The following C10orf71 variants were observed in gnomAD, a reference collection of about 807,000 sequenced individuals.
C10orf71 encodes the protein cardiac-enriched FHL2-interacting protein.
For missense variants in C10orf71, 1,869 were observed against 1,804.5 expected, an observed-to-expected ratio of 1.04 and a Z score of -0.65; for synonymous variants, 758 against 726.3, an observed-to-expected ratio of 1.04 and a Z score of -0.70.
Position 49,322,811 on chromosome 10 carries a change from G to C in C10orf71, c.266G>C (p.Gly89Ala). The C allele has an allele frequency of 6.2e-7, 1 of 1,613,884 alleles. No individual in the cohort carries two copies. Among genetic ancestry groups the C allele is most frequent in the Non-Finnish European group, 8.5e-7 (1 of 1,179,848 alleles). ...SGIWSQLPSQ[G>A]TEHSGWAATF... is the part of the protein sequence containing the mutation. ...ATTTGGAGCCAGTTACCGTCACAGGGCACGGAACATTCGGGCTGGGCGGCC... is the reference window on the plus strand; with the variant it reads ...ATTTGGAGCCAGTTACCGTCACAGGCCACGGAACATTCGGGCTGGGCGGCC... Residue 89 changes from glycine (G) to alanine (A), a missense_variant, in exon 3 of 3, where the codon GGC becomes GCC. Gly to Ala is a moderately conservative substitution (Grantham distance 60). Transcript: ENST00000374144.
chr10:49,324,062 T>C lies in C10orf71; in HGVS notation c.1517T>C (p.Val506Ala), dbSNP rs1322167507. 1 of 1,613,874 alleles carries C rather than the reference T, an allele frequency of 6.2e-7. No individual in the cohort carries two copies. Among genetic ancestry groups the C allele is most frequent in the South Asian group, 1.1e-5 (1 of 91,060 alleles). The change falls in exon 3 of 3, where the codon GTG (valine) becomes GCG (alanine). Residue 506 changes from valine (V) to alanine (A), a missense_variant. Val to Ala is a moderately conservative substitution (Grantham distance 64). Coordinates refer to ENST00000374144, the MANE Select transcript of C10orf71 (RefSeq NM_001135196.2). The part of the protein sequence containing the change: ...APSLLFNLKD[V>A]RKRVKSTYSS... ...AGCCTGCTGTTCAACCTCAAGGACGTGCGGAAGCGTGTTAAGAGCACATAC... is the reference window on the plus strand; with the variant it reads ...AGCCTGCTGTTCAACCTCAAGGACGCGCGGAAGCGTGTTAAGAGCACATAC...
chr10:49,306,800 C>T (rs948838338), intron 1 of C10orf71, among the ~76,000 whole-genome samples: 7 of 152,214 alleles, frequency 4.6e-5, no homozygotes, highest in Non-Finnish European at 7.4e-5. Flanking sequence ...CAGAGCAGCA[C>T]GAGGACCTGT....
rs1376550476 is a variant in C10orf71 at position 49,326,775 on chromosome 10, G to A, written c.4230G>A (p.Glu1410=). The A allele has an allele frequency of 1.3e-6, 2 of 1,550,960 alleles. No homozygotes were observed. Among genetic ancestry groups the A allele is most frequent in the South Asian group, 2.4e-5 (2 of 84,066 alleles). ...ATGGTCCTCCCCAGAGCCCAGGAGA[G>A]GAGGGTGTAGAAGCTCCAGGCCTGG... The part of the protein sequence containing the change: ...RPHGPPQSPG[E]EGVEAPGLGI... The change falls in exon 3 of 3, where the codon GAG becomes GAA. Residue 1410 remains glutamate, a synonymous_variant. Coordinates refer to ENST00000374144, the MANE Select transcript of C10orf71 (RefSeq NM_001135196.2).
chr10:49,325,452 G>A lies in C10orf71; in HGVS notation c.2907G>A (p.Arg969=). ...TGCCTCTGGTGGGAGAGGGGGACCG[G>A]GTGAAGGCACCACCAGATGCTGCAC... ...PSMPLVGEGD[R]VKAPPDAAPG... is the part of the protein sequence containing the mutation. The change falls in exon 3 of 3, where the codon CGG becomes CGA. Residue 969 remains arginine, a synonymous_variant. Transcript: ENST00000374144. The A allele has an allele frequency of 6.5e-7, 1 of 1,550,274 alleles. No individual in the cohort carries two copies. Among genetic ancestry groups the A allele is most frequent in the South Asian group, 1.2e-5 (1 of 83,980 alleles).
At chr10:49,313,776 T>C (rs1376895930) in intron 1 of C10orf71, among the ~76,000 whole-genome samples, 1 of 152,190 alleles carries the variant, frequency 6.6e-6, no homozygotes, top group Non-Finnish European at 1.5e-5. Context: ...AGAAGGCTCA[T>C]GGACTCTGCT....
At chr10:49,312,383 G>GCTTTGCCCTCTGCCTCC (rs1848930060) in intron 1 of C10orf71, among the ~76,000 whole-genome samples, 2 of 152,226 alleles carry the variant, frequency 1.3e-5, no homozygotes, top group African/African-American at 4.8e-5. Context: ...GGAAGTGCTG[G>GCTTTGCCCTCTGCCTCC]AGGTCTGCAG....
chr10:49,308,564 A>G (rs973094817), intron 1 of C10orf71, among the ~76,000 whole-genome samples: 1 of 152,194 alleles, frequency 6.6e-6, no homozygotes, highest in African/African-American at 2.4e-5. Flanking sequence ...CTTTACACAC[A>G]TAAGAGGCAC....
In C10orf71 at chr10:49,326,640, T is replaced by C; in HGVS notation, c.4095T>C (p.Pro1365=). The change falls in exon 3 of 3, where the codon CCT becomes CCC. Residue 1365 remains proline (P), a synonymous_variant. Coordinates refer to ENST00000374144, the MANE Select transcript of C10orf71 (RefSeq NM_001135196.2). ...LSAPTFLRQG[P]RASAARARTQ... is the part of the protein sequence containing the mutation. ...CGCCCACCTTCCTCAGGCAGGGCCC[T>C]CGTGCCTCCGCGGCCCGCGCCAGGA... 6.5e-7 allele frequency: 1 copy of C among 1,550,140 alleles called. No homozygotes were observed. The highest frequency in any genetic ancestry group is 8.7e-7 in the Non-Finnish European group (1 of 1,146,850).
intron 1 of C10orf71, among the ~76,000 whole-genome samples, chr10:49,299,951 A>G (rs955974266): frequency 3.3e-5 from 5 of 152,254 alleles, no homozygotes; most frequent in Non-Finnish European, 7.3e-5. Flanking sequence ...AGCCCGCCAC[A>G]GGCTGCCTGT....
chr10:49,317,443 C>T (rs761493009), intron 2 of C10orf71, among the ~76,000 whole-genome samples: 2 of 152,218 alleles, frequency 1.3e-5, no homozygotes, highest in Admixed American at 6.5e-5. Context: ...AATCGTAACT[C>T]TCATTACCTC....
Position 49,326,115 on chromosome 10 carries a change from G to C in C10orf71, c.3570G>C (p.Lys1190Asn), listed in dbSNP as rs1256839234. 2 of 1,551,718 alleles carry C rather than the reference G, an allele frequency of 1.3e-6. No individual in the cohort carries two copies. The highest frequency in any genetic ancestry group is 2.4e-5 in the South Asian group (2 of 84,064). Reference protein sequence around the residue: ...ALRRAKKLASKRRKTDQAQEK... With the variant: ...ALRRAKKLASNRRKTDQAQEK... ...GGCGGGCAAAGAAGCTGGCAAGTAA[G>C]AGGAGGAAGACGGATCAGGCTCAGG... Residue 1190 changes from lysine (K) to asparagine (N), a missense_variant, in exon 3 of 3, where the codon AAG (lysine) becomes AAC (asparagine). Transcript: ENST00000374144.
rs572710210 is a variant in C10orf71 at position 49,326,299 on chromosome 10, G to C, written c.3754G>C (p.Glu1252Gln). 5.1e-4 allele frequency: 785 copies of C among 1,549,866 alleles called. No homozygotes were observed. Among genetic ancestry groups the C allele is most frequent in the Non-Finnish European group, 6.4e-4 (737 of 1,146,548 alleles). The part of the protein sequence containing the change: ...VHRHSVSGFS[E>Q]PVGRRPGGPQ... ...CCGCCACTCCGTGTCCGGCTTCTCG[G>C]AGCCTGTCGGGAGGCGGCCCGGGGG... Residue 1252 changes from glutamate (E) to glutamine (Q), a missense_variant, in exon 3 of 3, where the codon GAG (glutamate) becomes CAG (glutamine). Glu to Gln is a conservative substitution (Grantham distance 29). Transcript: ENST00000374144.
chr10:49,324,404 A>T lies in C10orf71; in HGVS notation c.1859A>T (p.Glu620Val). The T allele has an allele frequency of 6.2e-7, 1 of 1,612,788 alleles. No homozygotes were observed. Among genetic ancestry groups the T allele is most frequent in the Non-Finnish European group, 8.5e-7 (1 of 1,179,366 alleles). ...AGCAGTTATGAGAACAAGGAGGTGG[A>T]AGGAGAGTTGGAGATGGGTCCTGCC... Reference protein sequence around the residue: ...ERSSYENKEVEGELEMGPAGS... With the variant: ...ERSSYENKEVVGELEMGPAGS... The change falls in exon 3 of 3, where the codon GAA (glutamate) becomes GTA (valine). Residue 620 changes from glutamate (E) to valine (V), a missense_variant. Glu to Val is a moderately radical substitution (Grantham distance 121). Coordinates refer to ENST00000374144, the MANE Select transcript of C10orf71 (RefSeq NM_001135196.2).
At chr10:49,312,817 G>A (rs565531411) in intron 1 of C10orf71, among the ~76,000 whole-genome samples, 1 of 152,150 alleles carries the variant, frequency 6.6e-6, no homozygotes, top group African/African-American at 2.4e-5. Context: ...ATATTTGAGG[G>A]GTTTTGAATC....
chr10:49,322,569 C>A lies in C10orf71; in HGVS notation c.24C>A (p.Cys8Ter). The change falls in exon 3 of 3, where the codon TGC (cysteine) becomes TGA (stop). Residue 8 changes from cysteine (C) to a stop codon, truncating the protein, a stop_gained. Coordinates refer to ENST00000374144, the MANE Select transcript of C10orf71 (RefSeq NM_001135196.2). LOFTEE classifies it low-confidence loss of function (END_TRUNC). MMQGNKK[C>*]TDAFSDSSSI... ...AGATGATGCAAGGAAATAAGAAGTG[C>A]ACAGACGCGTTCAGCGACTCCTCCA... is the stretch of plus-strand genomic sequence containing the variant. The A allele has an allele frequency of 6.2e-7, 1 of 1,610,862 alleles. No homozygotes were observed. The highest frequency in any genetic ancestry group is 8.5e-7 in the Non-Finnish European group (1 of 1,178,394).
upstream of C10orf71, among the ~76,000 whole-genome samples, chr10:49,297,581 G>A (rs1006896748): frequency 2.1e-4 from 32 of 152,340 alleles, no homozygotes; most frequent in African/African-American, 7.7e-4. Flanking sequence ...GGGAAGCTTT[G>A]CAATAGACGA....
rs1378879081 is a variant in C10orf71, at chr10:49,318,088, A to C, written c.-145+1841A>C. Reference sequence around the variant, plus strand: ...ATACATTTTCAATGTTTGAGCCATCATTTGTTACGGCAGCCCCAGCAAAGA... The same window carrying C: ...ATACATTTTCAATGTTTGAGCCATCCTTTGTTACGGCAGCCCCAGCAAAGA... On this transcript the variant is annotated intron_variant, in intron 2 of 2. Coordinates refer to ENST00000374144, the MANE Select transcript of C10orf71 (RefSeq NM_001135196.2). Among the ~76,000 whole-genome samples the C allele has an allele frequency of 3.9e-5, 6 of 152,336 alleles. No homozygotes were observed. In the East Asian group the frequency reaches 9.7e-4, roughly 25 times the overall value.
upstream of C10orf71, among the ~76,000 whole-genome samples, chr10:49,297,978 G>A (rs951159070): frequency 8.2e-4 from 125 of 152,332 alleles, 1 homozygote; most frequent in African/African-American, 2.6e-3. Context: ...AGGAGGAGGC[G>A]GGTCTGAATG....
At chr10:49,321,020 C>T (rs1849085313) in intron 2 of C10orf71, among the ~76,000 whole-genome samples, 1 of 151,994 alleles carries the variant, frequency 6.6e-6, no homozygotes, top group Admixed American at 6.6e-5. Context: ...TATCCATCAC[C>T]TCCAAACATT....
Sources: allele counts gnomAD v4.1 joint callset (sites outside exome capture counted in the v4.1 genomes callset), GRCh38; gene constraint gnomAD v4.1.1; transcripts MANE v1.5; gene names NCBI Gene and HGNC (gene_info 2026-07-23, HGNC 2026-07-21).